Variants in SPIDR observed in about 807,000 individuals in gnomAD.
The protein encoded by SPIDR is DNA repair-scaffolding protein.
In SPIDR, 93 loss-of-function variants were observed where a neutral mutation model predicts 104.6. The ratio of observed to expected loss-of-function variants is 0.89; its 90% CI spans 0.75 to 1.06. SPIDR has a LOEUF of 1.06. SPIDR is among the 50% of genes least tolerant of loss of function. The pLI is 0.00. For missense variants in SPIDR, 1,154 were observed against 1,111.2 expected (o/e 1.04, Z -0.55); for synonymous variants, 431 against 416.9 (o/e 1.03, Z -0.41).
intron 10 of SPIDR, among the ~76,000 whole-genome samples, chr8:47,622,737 T>C (rs1448928289): frequency 6.6e-6 from 1 of 152,188 alleles, no homozygotes; most frequent in Non-Finnish European, 1.5e-5. Flanking sequence ...TTTGAGCCTC[T>C]TCAAGAAAAT....
intron 8 of SPIDR, among the ~76,000 whole-genome samples, chr8:47,564,338 A>C (rs2057499847): frequency 6.6e-6 from 1 of 151,610 alleles, no homozygotes; most frequent in Admixed American, 6.6e-5. Flanking sequence ...CAGCCTCCCA[A>C]AGTGCTGGGA....
chr8:47,654,073 A>C, intron 10 of SPIDR: 1 of 1,289,764 alleles, frequency 7.8e-7, no homozygotes, highest in African/African-American at 1.5e-5. Context: ...CAGCATCTTG[A>C]TCTTCTTAGG....
chr8:47,524,810 C>G (rs2084725803), intron 8 of SPIDR, among the ~76,000 whole-genome samples: 2 of 152,156 alleles, frequency 1.3e-5, no homozygotes, highest in Admixed American at 1.3e-4. Context: ...AAGTTTAATA[C>G]TCAGTATTCA....
chr8:47,488,918 A>G (rs557707683), intron 8 of SPIDR, among the ~76,000 whole-genome samples: 28 of 152,312 alleles, frequency 1.8e-4, no homozygotes, highest in Admixed American at 1.8e-3. Context: ...AAAAACTGGA[A>G]GCATTCCCTT....
intron 10 of SPIDR, among the ~76,000 whole-genome samples, chr8:47,671,790 T>G (rs1452941529): frequency 6.6e-6 from 1 of 152,178 alleles, no homozygotes; most frequent in Middle Eastern, 3.2e-3. Flanking sequence ...CCTTTGCAGA[T>G]GTACTATCTT....
At chr8:47,382,720 G>T (rs2059461789) in intron 5 of SPIDR, among the ~76,000 whole-genome samples, 1 of 152,098 alleles carries the variant, frequency 6.6e-6, no homozygotes, top group Non-Finnish European at 1.5e-5. Flanking sequence ...CCTGAAGTTT[G>T]TTATTTTTTT....
At chr8:47,521,242 T>C (rs2084026227) in intron 8 of SPIDR, among the ~76,000 whole-genome samples, 2 of 152,284 alleles carry the variant, frequency 1.3e-5, no homozygotes, top group South Asian at 4.1e-4. Flanking sequence ...TGGACATGCT[T>C]TGGCTAATCA....
chr8:47,550,341 A>G (rs1055504928), intron 8 of SPIDR, among the ~76,000 whole-genome samples: 10 of 152,290 alleles, frequency 6.6e-5, no homozygotes, highest in African/African-American at 2.2e-4. Flanking sequence ...CATTGAATCT[A>G]TAAATTACCT....
chr8:47,453,599 A>C (rs1197098602), intron 8 of SPIDR, among the ~76,000 whole-genome samples: 7 of 152,172 alleles, frequency 4.6e-5, no homozygotes, highest in East Asian at 1.9e-4. Flanking sequence ...CAAAAACAAG[A>C]AATGGGGAAA....
chr8:47,578,749 A>G (rs2059403583), intron 8 of SPIDR, among the ~76,000 whole-genome samples: 1 of 152,210 alleles, frequency 6.6e-6, no homozygotes, highest in African/African-American at 2.4e-5. Context: ...CATATAAAAT[A>G]TGGTCTGTTC....
intron 16 of SPIDR, among the ~76,000 whole-genome samples, chr8:47,724,288 C>T (rs2154492746): frequency 6.6e-6 from 1 of 152,314 alleles, no homozygotes; most frequent in African/African-American, 2.4e-5. Context: ...AAACCCCCAG[C>T]TGCAAAATAA....
chr8:47,267,430 CTG>C (rs1240521830), intron 1 of SPIDR, among the ~76,000 whole-genome samples: 1 of 152,190 alleles, frequency 6.6e-6, no homozygotes, highest in Non-Finnish European at 1.5e-5. Flanking sequence ...TTTTGGATAA[CTG>C]TTAGAATTTT....
At chr8:47,467,662 C>T (rs1313713362) in intron 8 of SPIDR, among the ~76,000 whole-genome samples, 2 of 151,998 alleles carry the variant, frequency 1.3e-5, no homozygotes, top group South Asian at 2.1e-4. Context: ...AATTCAAAAC[C>T]CTTTCATGTT....
chr8:47,274,214 TAA>T (rs2035910723), intron 1 of SPIDR, among the ~76,000 whole-genome samples: 1 of 152,238 alleles, frequency 6.6e-6, no homozygotes, highest in South Asian at 2.1e-4. Flanking sequence ...CTTCCCTATT[TAA>T]AAATACTGTA....
intron 10 of SPIDR, among the ~76,000 whole-genome samples, chr8:47,644,008 G>A (rs971692407): frequency 6.6e-6 from 1 of 152,178 alleles, no homozygotes; most frequent in Non-Finnish European, 1.5e-5. Context: ...GGCTTCGAGT[G>A]TGATGTTTAC....
chr8:47,480,601 CTG>C (rs1249770191), intron 8 of SPIDR, among the ~76,000 whole-genome samples: 1 of 152,190 alleles, frequency 6.6e-6, no homozygotes, highest in African/African-American at 2.4e-5. Context: ...TTCATATAAA[CTG>C]AAAGTGTACA....
chr8:47,682,818 G>T (rs2077272655), intron 11 of SPIDR, among the ~76,000 whole-genome samples: 1 of 152,146 alleles, frequency 6.6e-6, no homozygotes, highest in African/African-American at 2.4e-5. Flanking sequence ...ACACGGATTT[G>T]TTTATTAAAA....
intron 10 of SPIDR, among the ~76,000 whole-genome samples, chr8:47,663,366 G>C (rs576733869): frequency 6.6e-6 from 1 of 152,316 alleles, no homozygotes; most frequent in South Asian, 2.1e-4. Context: ...AAACACAGAG[G>C]GCAGGGACTG....
At chr8:47,496,571 T>C (rs1004412591) in intron 8 of SPIDR, among the ~76,000 whole-genome samples, 5 of 152,160 alleles carry the variant, frequency 3.3e-5, no homozygotes, top group Admixed American at 2.0e-4. Context: ...TAATCCGTTT[T>C]ATGTGTTGCT....
Sources: allele counts gnomAD v4.1 joint callset (sites outside exome capture counted in the v4.1 genomes callset), GRCh38; gene constraint gnomAD v4.1.1; transcripts MANE v1.5; gene names NCBI Gene and HGNC (gene_info 2026-07-23, HGNC 2026-07-21).